Variants in THEMIS observed in about 807,000 individuals in gnomAD.
THEMIS encodes the protein thymocyte selection associated, also known as protein THEMIS.
THEMIS carries 37 observed loss-of-function variants against 52.6 expected under a neutral mutation model. That is an observed-to-expected ratio of 0.70 (90% CI 0.54 to 0.93). The LOEUF (loss-of-function observed/expected upper bound fraction) is 0.93. Ranked by LOEUF, THEMIS falls within the 40% of genes least tolerant of loss-of-function variation. The probability of loss-of-function intolerance (pLI) is 0.00; values close to 1 mark genes in which losing one functional copy is unlikely to be tolerated. For missense variants in THEMIS, 808 were observed against 763.1 expected, an observed-to-expected ratio of 1.06 and a Z score of -0.69; for synonymous variants, 292 against 272.7, an observed-to-expected ratio of 1.07 and a Z score of -0.70.
chr6:127,720,704 A>G (rs1774332913), intron 4 of THEMIS, among the ~76,000 whole-genome samples: 1 of 152,026 alleles, frequency 6.6e-6, no homozygotes, highest in Admixed American at 6.6e-5. Flanking sequence ...TATTGCATGA[A>G]ATTCATTAAA....
downstream of THEMIS, among the ~76,000 whole-genome samples, chr6:127,706,296 C>T (rs1385074288): frequency 2.6e-5 from 4 of 152,084 alleles, no homozygotes; most frequent in Non-Finnish European, 5.9e-5. Flanking sequence ...TACATCTATA[C>T]ATTCATCAAA....
the THEMIS span, among the ~76,000 whole-genome samples, chr6:127,700,039 T>C: frequency 6.6e-6 from 1 of 151,806 alleles, no homozygotes; most frequent in Non-Finnish European, 1.5e-5. Flanking sequence ...AGTAAAAATA[T>C]TTGCGAATCA....
chr6:127,856,214 A>G (rs769114141), intron 1 of THEMIS, among the ~76,000 whole-genome samples: 2 of 151,876 alleles, frequency 1.3e-5, no homozygotes, highest in Non-Finnish European at 2.9e-5. Context: ...CTCCTCATAG[A>G]ATTGTTCCTG....
At position 127,708,440 on chromosome 6, in the gene THEMIS, C is replaced by A. The variant is rs977264874; in HGVS notation, c.*1545G>T. ...TACTAAAAGTACAAATTTAATTGTTCTCAAATTCCAAACAAAAATATTAAT... is the reference window on the plus strand; with the variant it reads ...TACTAAAAGTACAAATTTAATTGTTATCAAATTCCAAACAAAAATATTAAT... On this transcript the variant is annotated 3_prime_UTR_variant, in exon 6 of 6. Coordinates refer to ENST00000368248, the MANE Select transcript of THEMIS (RefSeq NM_001010923.3). 2.0e-5 allele frequency: 3 copies of A among 152,012 alleles called. No individual in the cohort carries two copies. Among genetic ancestry groups the A allele is most frequent in the African/African-American group, 7.2e-5 (3 of 41,414 alleles). 9.4% of individuals were successfully genotyped at this position (152,012 alleles called of 1,614,324 possible). A position where few individuals can be genotyped will look rare whatever the true frequency, so the allele number is the denominator to read the frequency against.
intron 4 of THEMIS, among the ~76,000 whole-genome samples, chr6:127,787,860 TAGATAGATAGATAGATAGATATAG>T (rs1562257921): frequency 2.8e-4 from 36 of 129,076 alleles, no homozygotes; most frequent in East Asian, 8.9e-4. Context: ...TATAGATAGA[TAGATAGATAGATAGATAGATATAG>T]ATAGATAGAT....
At chr6:127,776,263 CTTGTGTAACCCCTGACTTTGA>C (rs1221876291) in intron 4 of THEMIS, among the ~76,000 whole-genome samples, 4 of 152,280 alleles carry the variant, frequency 2.6e-5, no homozygotes, top group Admixed American at 6.5e-5. Context: ...CATTTAGGTC[CTTGTGTAACCCCTGACTTTGA>C]TTGTAGGCGG....
intron 3 of THEMIS, among the ~76,000 whole-genome samples, chr6:127,825,370 A>G (rs1477941485): frequency 6.6e-6 from 1 of 152,244 alleles, no homozygotes; most frequent in African/African-American, 2.4e-5. Context: ...ACCACGTATA[A>G]TCTCTCCAAG....
intron 3 of THEMIS, among the ~76,000 whole-genome samples, chr6:127,816,011 A>AT (rs1310803596): frequency 1.3e-5 from 2 of 152,124 alleles, no homozygotes; most frequent in Non-Finnish European, 2.9e-5. Context: ...GAACTCTTAA[A>AT]TTTTTTGTAT....
intron 4 of THEMIS, among the ~76,000 whole-genome samples, chr6:127,732,795 T>A (rs951971581): frequency 6.6e-6 from 1 of 152,250 alleles, no homozygotes; most frequent in African/African-American, 2.4e-5. Context: ...AATAATGCTG[T>A]TGTGAATATT....
chr6:127,815,844 TC>T (rs939855181), intron 3 of THEMIS, among the ~76,000 whole-genome samples: 20 of 152,220 alleles, frequency 1.3e-4, no homozygotes, highest in African/African-American at 4.8e-4. Context: ...ATCAAGGACT[TC>T]CTGAGAACTC....
At chr6:127,897,309 C>T (rs1780998405) in intron 1 of THEMIS, among the ~76,000 whole-genome samples, 1 of 151,310 alleles carries the variant, frequency 6.6e-6, no homozygotes. Flanking sequence ...AAGTGGAAAA[C>T]TTTCGTCCAT....
At chr6:127,865,576 A>G (rs1779948152) in intron 1 of THEMIS, among the ~76,000 whole-genome samples, 1 of 152,172 alleles carries the variant, frequency 6.6e-6, no homozygotes, top group African/African-American at 2.4e-5. Context: ...GATTCTACAG[A>G]GGTATACAGC....
intron 4 of THEMIS, among the ~76,000 whole-genome samples, chr6:127,743,753 C>G: frequency 6.6e-6 from 1 of 151,994 alleles, no homozygotes. Flanking sequence ...CTGAGGTACA[C>G]AATGCATCAT....
At chr6:127,879,542 T>C (rs1780413679) in intron 1 of THEMIS, among the ~76,000 whole-genome samples, 1 of 150,932 alleles carries the variant, frequency 6.6e-6, no homozygotes, top group Admixed American at 6.7e-5. Flanking sequence ...TGATAATGGC[T>C]GAAATAATTT....
In THEMIS at chr6:127,771,580, A is replaced by T. The variant is rs1776386477; in HGVS notation, c.1758+41303T>A. Among the ~76,000 whole-genome samples the T allele has an allele frequency of 3.3e-5, 5 of 152,212 alleles. No homozygotes were observed. In the South Asian group the frequency reaches 1.0e-3, roughly 32 times the overall value. ...CCAAAACAGATATATAGACCAATGG[A>T]ACAGAACAGAAGCCTCAGAAATAAC... On this transcript the variant is annotated intron_variant, in intron 4 of 5. Transcript: ENST00000368248.
At chr6:127,765,916 A>G (rs11962700) in intron 4 of THEMIS, among the ~76,000 whole-genome samples, 5,530 of 152,234 alleles carry the variant, frequency 0.036, 131 homozygotes, top group Middle Eastern at 0.061. Flanking sequence ...GCATACATGT[A>G]TTTGAATGCT....
intron 4 of THEMIS, among the ~76,000 whole-genome samples, chr6:127,781,436 T>A (rs1045405909): frequency 6.6e-6 from 1 of 152,114 alleles, no homozygotes; most frequent in African/African-American, 2.4e-5. Context: ...GTTCCCTTAC[T>A]GGTGAGGAGT....
intron 4 of THEMIS, among the ~76,000 whole-genome samples, chr6:127,782,565 C>T (rs2114486693): frequency 6.6e-6 from 1 of 152,332 alleles, no homozygotes; most frequent in Admixed American, 6.5e-5. Flanking sequence ...TTCCCTGACC[C>T]CTTGCACTTC....
intron 4 of THEMIS, among the ~76,000 whole-genome samples, chr6:127,781,836 T>C (rs1273627998): frequency 6.6e-6 from 1 of 152,070 alleles, no homozygotes; most frequent in Non-Finnish European, 1.5e-5. Context: ...TGTCGACCCC[T>C]CCCAGGAGGT....
Sources: gnomAD v4.1 joint callset for allele counts (sites outside exome capture counted in the v4.1 genomes callset) on GRCh38, gnomAD v4.1.1 for gene constraint, MANE v1.5 for transcripts, NCBI Gene and HGNC (gene_info 2026-07-23, HGNC 2026-07-21) for gene names.